Variants in ASAP2 observed in about 807,000 individuals in gnomAD.
ASAP2 encodes the protein ArfGAP with SH3 domain, ankyrin repeat and PH domain 2, also known as arf-GAP with SH3 domain, ANK repeat and PH domain-containing protein 2.
ASAP2 carries 45 observed loss-of-function variants against 131.4 expected under a neutral mutation model. The ratio of observed to expected loss-of-function variants is 0.34; its 90% CI spans 0.27 to 0.44. The LOEUF (loss-of-function observed/expected upper bound fraction) is 0.44. Ranked by LOEUF, ASAP2 falls within the 20% of genes least tolerant of loss-of-function variation. ASAP2 has a pLI of 1.00. For missense variants in ASAP2, 1,011 were observed against 1,297.0 expected, an observed-to-expected ratio of 0.78 and a Z score of 3.39; for synonymous variants, 510 against 503.0, an observed-to-expected ratio of 1.01 and a Z score of -0.19.
At chr2:9,379,934 G>A (rs1674697941) in intron 19 of ASAP2, among the ~76,000 whole-genome samples, 1 of 150,774 alleles carries the variant, frequency 6.6e-6, no homozygotes, top group African/African-American at 2.4e-5. Context: ...GGAGGTTGCA[G>A]TGAGCTGAGA....
At chr2:9,340,859 G>T (rs2148588977) in intron 9 of ASAP2, among the ~76,000 whole-genome samples, 1 of 152,332 alleles carries the variant, frequency 6.6e-6, no homozygotes, top group African/African-American at 2.4e-5. Context: ...TTAAGATCAA[G>T]GATGATGCCT....
At chr2:9,337,550 AT>A (rs1671292558) in intron 9 of ASAP2, among the ~76,000 whole-genome samples, 1 of 152,210 alleles carries the variant, frequency 6.6e-6, no homozygotes, top group Non-Finnish European at 1.5e-5. Context: ...TCCCTGTGTA[AT>A]AACAGTTGAT....
At chr2:9,375,808 G>A (rs1269713029) in intron 17 of ASAP2, among the ~76,000 whole-genome samples, 1 of 152,216 alleles carries the variant, frequency 6.6e-6, no homozygotes, top group Non-Finnish European at 1.5e-5. Context: ...TGAGCTTCAT[G>A]CTAACGAGAG....
intron 1 of ASAP2, among the ~76,000 whole-genome samples, chr2:9,224,614 C>T (rs1445405153): frequency 6.6e-6 from 1 of 152,190 alleles, no homozygotes; most frequent in Non-Finnish European, 1.5e-5. Context: ...TATAAACCAT[C>T]CCAATTAATA....
At chr2:9,373,396 A>C (rs1674136684) in intron 16 of ASAP2, among the ~76,000 whole-genome samples, 1 of 152,202 alleles carries the variant, frequency 6.6e-6, no homozygotes, top group Admixed American at 6.5e-5. Context: ...AGCAGATTTG[A>C]GGCCTGGCAG....
At chr2:9,279,287 G>T in intron 1 of ASAP2, 30 bp from the exon 2 acceptor site, 1 of 1,607,622 alleles carries the variant, frequency 6.2e-7, no homozygotes, top group Non-Finnish European at 8.5e-7. Flanking sequence ...GCACAGACAC[G>T]GTTTAATGAC....
chr2:9,260,942 T>C (rs1665535693), intron 1 of ASAP2, among the ~76,000 whole-genome samples: 1 of 151,776 alleles, frequency 6.6e-6, no homozygotes, highest in Middle Eastern at 3.2e-3. Context: ...TTACCCAGGG[T>C]GGTTAGGGGG....
At chr2:9,274,025 G>A (rs1558286869) in intron 1 of ASAP2, among the ~76,000 whole-genome samples, 1 of 152,202 alleles carries the variant, frequency 6.6e-6, no homozygotes, top group Non-Finnish European at 1.5e-5. Context: ...GAATGAACAA[G>A]GACAGCTTGG....
At position 9,327,676 on chromosome 2, in the gene ASAP2, G is replaced by C. The variant is rs3811598; in HGVS notation, c.601-150G>C. On this transcript the variant is annotated intron_variant, in intron 6 of 27. Coordinates refer to ENST00000281419, the MANE Select transcript of ASAP2 (RefSeq NM_003887.3). ...GGCCCCAAAATAAAGAAACGGTTAC[G>C]GAATCCAGGCGATACTAAGTGTCGA... 9.0e-3 allele frequency: 5,062 copies of C among 562,598 alleles called. 189 individuals are homozygous for C. The highest frequency in any genetic ancestry group is 0.085 in the Admixed American group (2,050 of 24,244). The allele number at this position is 562,598 out of a possible 1,614,324, so 34.9% of individuals were successfully genotyped here.
At position 9,337,310 on chromosome 2, in the gene ASAP2, T is replaced by C. The variant is rs10208656; in HGVS notation, c.849+2131T>C. Among the ~76,000 whole-genome samples the C allele has an allele frequency of 4.6e-3, 704 of 152,332 alleles. 8 individuals carry two copies. Among genetic ancestry groups the C allele is most frequent in the African/African-American group, 0.015 (640 of 41,570 alleles). On this transcript the variant is annotated intron_variant, in intron 9 of 27. Transcript: ENST00000281419. ...ATGGCATTCAGCAAGTTGGACAATCTTTGAACACAGTTGCAAGTAATAAGC... is the reference window on the plus strand; with the variant it reads ...ATGGCATTCAGCAAGTTGGACAATCCTTGAACACAGTTGCAAGTAATAAGC...
chr2:9,312,321 C>A (rs956568099), intron 3 of ASAP2, among the ~76,000 whole-genome samples: 2 of 152,144 alleles, frequency 1.3e-5, no homozygotes, highest in Admixed American at 1.3e-4. Flanking sequence ...GTGAATGAAA[C>A]CAGAATCCCC....
intron 15 of ASAP2, among the ~76,000 whole-genome samples, chr2:9,368,076 T>G (rs570241558): frequency 6.6e-6 from 1 of 152,302 alleles, no homozygotes; most frequent in East Asian, 1.9e-4. Context: ...AAAGGTTGTT[T>G]GAGGATGTGA....
chr2:9,376,768 A>G, intron 17 of ASAP2, 140 bp from the exon 18 acceptor site: 2 of 732,150 alleles, frequency 2.7e-6, no homozygotes, highest in Non-Finnish European at 4.6e-6. Context: ...TAGAGATTAA[A>G]GAGACTCTAT....
chr2:9,387,155 A>G (rs868718354), intron 21 of ASAP2, among the ~76,000 whole-genome samples: 1 of 141,902 alleles, frequency 7.0e-6, no homozygotes, highest in Non-Finnish European at 1.5e-5. Context: ...CGGAGCTTGC[A>G]GTGAGCTGGG....
intron 1 of ASAP2, among the ~76,000 whole-genome samples, chr2:9,278,649 A>G (rs1352034953): frequency 6.6e-6 from 1 of 152,192 alleles, no homozygotes; most frequent in East Asian, 1.9e-4. Flanking sequence ...TGTGCTGGAC[A>G]TTGTGAGTGC....
At chr2:9,253,157 A>T (rs1558268151) in intron 1 of ASAP2, among the ~76,000 whole-genome samples, 1 of 151,912 alleles carries the variant, frequency 6.6e-6, no homozygotes, top group Non-Finnish European at 1.5e-5. Flanking sequence ...AAAATTCACC[A>T]GTTTTTGTTT....
intron 16 of ASAP2, among the ~76,000 whole-genome samples, chr2:9,372,401 G>A (rs1336995634): frequency 6.6e-6 from 1 of 152,152 alleles, no homozygotes; most frequent in East Asian, 1.9e-4. Flanking sequence ...ATGGACTTCA[G>A]TGTACAGTAA....
Position 9,350,814 on chromosome 2 carries a change from C to T in ASAP2, c.1030C>T (p.Arg344Trp), listed in dbSNP as rs768389831. Residue 344 changes from arginine (R) to tryptophan (W), a missense_variant, in exon 12 of 28, where the codon CGG becomes TGG. This residue lies in a region of ASAP2 where 359 missense variants were observed against 598.1 expected (regional missense o/e 0.60). Coordinates refer to ENST00000281419, the MANE Select transcript of ASAP2 (RefSeq NM_003887.3). ...FLTISHGTAN[R>W]PPAKLNLLTC... ...GTTTTTTGCTTTTAAACAGGCTAAC[C>T]GGCCTCCTGCAAAGCTCAACCTGCT... 4 of 1,613,118 alleles carry T rather than the reference C, an allele frequency of 2.5e-6. No homozygotes were observed. Among genetic ancestry groups the T allele is most frequent in the African/African-American group, 1.3e-5 (1 of 75,008 alleles).
chr2:9,351,040 T>C (rs1672299952), intron 12 of ASAP2, 145 bp downstream of exon 12: 1 of 606,134 alleles, frequency 1.6e-6, no homozygotes, highest in Non-Finnish European at 2.7e-6. Context: ...GTGCTTTGTG[T>C]TCCATTAGTA....
Sources: allele counts gnomAD v4.1 joint callset (sites outside exome capture counted in the v4.1 genomes callset), GRCh38; gene constraint gnomAD v4.1.1; regional missense constraint gnomAD v4.1.1; transcripts MANE v1.5; gene names NCBI Gene and HGNC (gene_info 2026-07-23, HGNC 2026-07-21).